Variants in GRIK2 observed in about 807,000 individuals in gnomAD.
GRIK2 encodes glutamate receptor ionotropic, kainate 2.
In GRIK2, 32 loss-of-function variants were observed where a neutral mutation model predicts 100.3. That is an observed-to-expected ratio of 0.32 (90% CI 0.24 to 0.43). The LOEUF (loss-of-function observed/expected upper bound fraction) is 0.43. Ranked by LOEUF, GRIK2 falls within the 20% of genes least tolerant of loss-of-function variation. The pLI, the probability that GRIK2 is intolerant of heterozygous loss-of-function variation, is 1.00. For missense variants in GRIK2, 843 were observed against 1,114.9 expected (o/e 0.76, Z 3.47); for synonymous variants, 417 against 389.4 (o/e 1.07, Z -0.83).
intron 12 of GRIK2, chr6:101,890,304 A>G (rs1389605190): frequency 1.3e-5 from 2 of 154,664 alleles, no homozygotes; most frequent in African/African-American, 2.4e-5. Context: ...CATTCTAACT[A>G]TAAAAGGACT....
chr6:101,589,135 A>T (rs1778525036), intron 2 of GRIK2, among the ~76,000 whole-genome samples: 1 of 152,224 alleles, frequency 6.6e-6, no homozygotes, highest in South Asian at 2.1e-4. Flanking sequence ...TCACTATGAC[A>T]CTGAACAGGT....
chr6:101,783,679 T>C (rs1779247277), intron 7 of GRIK2, among the ~76,000 whole-genome samples: 1 of 152,138 alleles, frequency 6.6e-6, no homozygotes, highest in African/African-American at 2.4e-5. Flanking sequence ...TTGACCAAAA[T>C]GTTGATAGTG....
intron 2 of GRIK2, among the ~76,000 whole-genome samples, chr6:101,427,144 G>T (rs1480628816): frequency 6.6e-6 from 1 of 152,158 alleles, no homozygotes; most frequent in Non-Finnish European, 1.5e-5. Flanking sequence ...TTACCACATG[G>T]TATGGAAGTA....
chr6:101,613,758 T>A (rs981766558), intron 2 of GRIK2, among the ~76,000 whole-genome samples: 2 of 149,816 alleles, frequency 1.3e-5, no homozygotes, highest in Non-Finnish European at 3.0e-5. Context: ...CTAGGCTGTG[T>A]TCAGAAAAAA....
intron 2 of GRIK2, among the ~76,000 whole-genome samples, chr6:101,547,819 C>G (rs1285762566): frequency 1.3e-5 from 2 of 151,724 alleles, no homozygotes; most frequent in East Asian, 3.9e-4. Context: ...ATTTATAATC[C>G]TTTGGGTATA....
intron 2 of GRIK2, among the ~76,000 whole-genome samples, chr6:101,425,395 A>T (rs1776649478): frequency 6.6e-6 from 1 of 152,192 alleles, no homozygotes; most frequent in African/African-American, 2.4e-5. Context: ...TATTTTAACA[A>T]GTATATTTTA....
intron 14 of GRIK2, among the ~76,000 whole-genome samples, chr6:101,929,613 T>C (rs1473739815): frequency 6.6e-6 from 1 of 152,196 alleles, no homozygotes; most frequent in Non-Finnish European, 1.5e-5. Context: ...TATGGTTTAG[T>C]TGGAGACAGA....
At chr6:101,584,048 T>C (rs1582767996) in intron 2 of GRIK2, among the ~76,000 whole-genome samples, 1 of 152,110 alleles carries the variant, frequency 6.6e-6, no homozygotes, top group South Asian at 2.1e-4. Context: ...TGTGCATAAA[T>C]ACAAAGGTAA....
chr6:101,752,634 A>T (rs62419272), intron 7 of GRIK2, among the ~76,000 whole-genome samples: 227 of 152,326 alleles, frequency 1.5e-3, no homozygotes, highest in Non-Finnish European at 1.9e-3. Context: ...CCTGACAGTG[A>T]AAAATCTAGG....
chr6:101,608,138 G>A (rs1779515271), intron 2 of GRIK2, among the ~76,000 whole-genome samples: 11 of 151,814 alleles, frequency 7.2e-5, no homozygotes. Flanking sequence ...AAAATGAAGT[G>A]ATTTGCCTAA....
At chr6:101,966,279 T>C (rs1792669711) in intron 14 of GRIK2, among the ~76,000 whole-genome samples, 1 of 152,174 alleles carries the variant, frequency 6.6e-6, no homozygotes, top group South Asian at 2.1e-4. Context: ...TGTCAACAGA[T>C]AATTGCATTA....
Position 101,857,628 on chromosome 6 carries a change from G to A in GRIK2, c.1318-1659G>A, listed in dbSNP as rs147556808. ...GGAGTATCCTAACTTTTCTCACTCT[G>A]TAATAGCTTCCTCTAAGATAACAGG... On this transcript the variant is annotated intron_variant, in intron 10 of 16. Coordinates refer to ENST00000369134, the MANE Select transcript of GRIK2 (RefSeq NM_021956.5). Among the ~76,000 whole-genome samples the A allele has an allele frequency of 3.8e-3, 586 of 152,316 alleles. 8 individuals are homozygous for A. Among genetic ancestry groups the A allele is most frequent in the African/African-American group, 0.014 (565 of 41,572 alleles).
intron 2 of GRIK2, among the ~76,000 whole-genome samples, chr6:101,465,334 T>A (rs953754943): frequency 6.6e-6 from 1 of 152,304 alleles, no homozygotes; most frequent in Admixed American, 6.5e-5. Context: ...TGTATATATA[T>A]CATTTAGCTC....
chr6:102,046,467 G>C (rs987044726), intron 15 of GRIK2, among the ~76,000 whole-genome samples: 2 of 151,968 alleles, frequency 1.3e-5, no homozygotes, highest in African/African-American at 4.8e-5. Context: ...CACGAGATCT[G>C]ATGGTTAAAA....
intron 2 of GRIK2, among the ~76,000 whole-genome samples, chr6:101,592,837 A>G (rs1450886574): frequency 1.3e-5 from 2 of 151,554 alleles, no homozygotes; most frequent in African/African-American, 2.4e-5. Flanking sequence ...GAAAATGACA[A>G]CTGTATAAAG....
intron 7 of GRIK2, among the ~76,000 whole-genome samples, chr6:101,721,711 A>G (rs542266439): frequency 1.3e-5 from 2 of 152,042 alleles, no homozygotes; most frequent in East Asian, 3.9e-4. Context: ...TTAAAACTAT[A>G]CCACTTTCTC....
At chr6:101,598,289 C>T (rs1048082667) in intron 2 of GRIK2, among the ~76,000 whole-genome samples, 6 of 151,462 alleles carry the variant, frequency 4.0e-5, no homozygotes, top group Non-Finnish European at 7.4e-5. Context: ...TCCTTTAATA[C>T]GTTGTTAGCA....
chr6:101,608,369 T>C (rs1395215815), intron 2 of GRIK2, among the ~76,000 whole-genome samples: 1 of 151,956 alleles, frequency 6.6e-6, no homozygotes. Flanking sequence ...CCAGATGATA[T>C]ACATTTAGAT....
At chr6:101,545,587 A>G (rs1250731967) in intron 2 of GRIK2, among the ~76,000 whole-genome samples, 2 of 152,166 alleles carry the variant, frequency 1.3e-5, no homozygotes, top group Admixed American at 6.5e-5. Context: ...GCGGTGTTTC[A>G]TAGACACTTG....
Sources: allele counts gnomAD v4.1 joint callset (sites outside exome capture counted in the v4.1 genomes callset), GRCh38; gene constraint gnomAD v4.1.1; transcripts MANE v1.5; gene names NCBI Gene and HGNC (gene_info 2026-07-23, HGNC 2026-07-21).